SHISA9: variants seen among roughly 807,000 people sequenced by gnomAD.
SHISA9 encodes the protein protein shisa-9.
A neutral mutation model predicts 38.0 loss-of-function variants in SHISA9; 13 were observed. The observed-to-expected ratio is 0.34, with a 90% CI of 0.22 to 0.54. The LOEUF (loss-of-function observed/expected upper bound fraction) is 0.54. Among genes scored for constraint, SHISA9 ranks in the 20% least tolerant of loss-of-function variants. The pLI is 0.91. For missense variants in SHISA9, 538 were observed against 575.8 expected (o/e 0.93, Z 0.67); for synonymous variants, 275 against 242.0 (o/e 1.14, Z -1.27).
At chr16:13,066,999 T>TC (rs143566391) in intron 2 of SHISA9, among the ~76,000 whole-genome samples, 3,334 of 152,274 alleles carry the variant, frequency 0.022, 51 homozygotes, top group Admixed American at 0.046. Flanking sequence ...ATCATCAAGA[T>TC]CCCCTAGAGC....
chr16:12,952,183 A>C (rs551633522), intron 2 of SHISA9, among the ~76,000 whole-genome samples: 1 of 152,370 alleles, frequency 6.6e-6, no homozygotes, highest in African/African-American at 2.4e-5. Flanking sequence ...ATCCTGGGGA[A>C]ACAGCAGCAC....
At chr16:13,383,672 A>G in the SHISA9 span, among the ~76,000 whole-genome samples, 2 of 152,212 alleles carry the variant, frequency 1.3e-5, no homozygotes, top group East Asian at 3.9e-4. Context: ...TTATTTTGAG[A>G]CAGAGTCTTG....
At chr16:13,320,054 A>G in the SHISA9 span, among the ~76,000 whole-genome samples, 1 of 152,008 alleles carries the variant, frequency 6.6e-6, no homozygotes, top group Admixed American at 6.6e-5. Context: ...GCACTTTGGG[A>G]GGCTGAAGCG....
At chr16:13,483,028 C>T in the SHISA9 span, among the ~76,000 whole-genome samples, 18 of 152,206 alleles carry the variant, frequency 1.2e-4, no homozygotes, top group Non-Finnish European at 2.5e-4. Context: ...CAGACCTCCG[C>T]TTCCACAGAT....
intron 2 of SHISA9, among the ~76,000 whole-genome samples, chr16:12,997,500 G>A (rs552290310): frequency 5.5e-4 from 83 of 150,086 alleles, no homozygotes; most frequent in African/African-American, 1.9e-3. Context: ...TCCATCTCCC[G>A]GGTTCAAGCA....
At chr16:13,450,793 G>A in the SHISA9 span, among the ~76,000 whole-genome samples, 1 of 152,134 alleles carries the variant, frequency 6.6e-6, no homozygotes, top group African/African-American at 2.4e-5. Context: ...TGTTGTTGTT[G>A]TTGTTTTCTT....
intron 2 of SHISA9, among the ~76,000 whole-genome samples, chr16:13,181,184 A>C (rs779303525): frequency 4.7e-5 from 7 of 150,416 alleles, no homozygotes; most frequent in Admixed American, 2.7e-4. Context: ...ATATAATCAT[A>C]ATAATAATTA....
intron 4 of SHISA9, among the ~76,000 whole-genome samples, chr16:13,227,919 G>C (rs2051295052): frequency 6.6e-6 from 1 of 152,202 alleles, no homozygotes; most frequent in African/African-American, 2.4e-5. Context: ...GCCTACCATA[G>C]AGTAAGTGTT....
chr16:13,464,108 A>G, the SHISA9 span, among the ~76,000 whole-genome samples: 1 of 152,174 alleles, frequency 6.6e-6, no homozygotes, highest in Admixed American at 6.5e-5. Context: ...TGCCTCAGTT[A>G]CCTTATCTTT....
chr16:13,159,834 T>G (rs1273465004), intron 2 of SHISA9, among the ~76,000 whole-genome samples: 1 of 152,228 alleles, frequency 6.6e-6, no homozygotes, highest in Non-Finnish European at 1.5e-5. Flanking sequence ...CATCTTTGAA[T>G]GCTGCTGAAG....
intron 2 of SHISA9, among the ~76,000 whole-genome samples, chr16:13,028,810 T>G (rs2072956505): frequency 1.3e-5 from 2 of 152,182 alleles, no homozygotes; most frequent in Non-Finnish European, 2.9e-5. Context: ...CTTGAATCAA[T>G]CACTGTGTCT....
chr16:12,915,993 T>G (rs1292234944), intron 1 of SHISA9, among the ~76,000 whole-genome samples: 19 of 94,318 alleles, frequency 2.0e-4, no homozygotes, highest in African/African-American at 5.3e-4. Context: ...TGAGTTTTTT[T>G]TTTGTGTGTG....
intron 2 of SHISA9, among the ~76,000 whole-genome samples, chr16:13,114,135 T>C (rs115141813): frequency 1.3e-5 from 2 of 152,116 alleles, no homozygotes; most frequent in Non-Finnish European, 2.9e-5. Context: ...AGTTTTCTTT[T>C]TCTTAAATTA....
At chr16:13,533,781 A>ATTT in the SHISA9 span, among the ~76,000 whole-genome samples, 7 of 128,168 alleles carry the variant, frequency 5.5e-5, no homozygotes, top group African/African-American at 9.1e-5. Context: ...ATAACTCTCA[A>ATTT]TTTTTTTTTT....
At chr16:13,400,217 G>A in the SHISA9 span, among the ~76,000 whole-genome samples, 29 of 152,208 alleles carry the variant, frequency 1.9e-4, no homozygotes, top group African/African-American at 5.3e-4. Flanking sequence ...TTGCCTCTCC[G>A]GTAGAACCAT....
At position 13,239,758 on chromosome 16, in the gene SHISA9, C is replaced by T. The variant is rs572395659; in HGVS notation, c.*4349C>T. 2.6e-4 allele frequency: 40 copies of T among 151,876 alleles called. No individual in the cohort carries two copies. The highest frequency in any genetic ancestry group is 7.7e-4 in the African/African-American group (32 of 41,420). The allele number at this position is 151,876 out of a possible 1,614,324, so 9.4% of individuals were successfully genotyped here. A position where few individuals can be genotyped will look rare whatever the true frequency, so the allele number is the denominator to read the frequency against. On this transcript the variant is annotated 3_prime_UTR_variant, in exon 5 of 5. Coordinates refer to ENST00000558583, the MANE Select transcript of SHISA9 (RefSeq NM_001145204.3). ...AGCCCTTTGTCAGATGAGTAGGTTG[C>T]GAAAATTTTCTCCCATTTTGTAGGT...
At chr16:13,021,710 C>G (rs756968347) in intron 2 of SHISA9, among the ~76,000 whole-genome samples, 2 of 152,168 alleles carry the variant, frequency 1.3e-5, no homozygotes, top group Non-Finnish European at 2.9e-5. Context: ...CTCTGAATCT[C>G]TAGGTATATT....
chr16:13,262,982 T>C, the SHISA9 span, among the ~76,000 whole-genome samples: 12 of 152,190 alleles, frequency 7.9e-5, no homozygotes, highest in Non-Finnish European at 1.3e-4. Flanking sequence ...GGTCTCTTTT[T>C]TATTCCCCAT....
chr16:13,065,920 T>C (rs1451851502), intron 2 of SHISA9, among the ~76,000 whole-genome samples: 1 of 152,224 alleles, frequency 6.6e-6, no homozygotes, highest in Non-Finnish European at 1.5e-5. Context: ...CTGTCTTTTA[T>C]GCCAGGGTCA....
Sources: allele counts gnomAD v4.1 joint callset (sites outside exome capture counted in the v4.1 genomes callset), GRCh38; gene constraint gnomAD v4.1.1; transcripts MANE v1.5; gene names NCBI Gene and HGNC (gene_info 2026-07-23, HGNC 2026-07-21).